ARHGAP10: variants seen among roughly 807,000 people sequenced by gnomAD.
The protein encoded by ARHGAP10 is rho GTPase-activating protein 10.
ARHGAP10 carries 87 observed loss-of-function variants against 108.6 expected under a neutral mutation model. The ratio of observed to expected loss-of-function variants is 0.80; its 90% CI spans 0.67 to 0.96. The LOEUF is 0.96. ARHGAP10 is among the 40% of genes least tolerant of loss of function. The pLI is 0.00. For missense variants in ARHGAP10, 939 were observed against 954.5 expected (o/e 0.98, Z 0.21); for synonymous variants, 347 against 341.1 (o/e 1.02, Z -0.19).
chr4:147,953,811 C>CT (rs1317810514), intron 15 of ARHGAP10, among the ~76,000 whole-genome samples: 11 of 151,704 alleles, frequency 7.3e-5, no homozygotes, highest in African/African-American at 1.5e-4. Context: ...ATTTACACTT[C>CT]TTTTTTTTCC....
intron 18 of ARHGAP10, among the ~76,000 whole-genome samples, chr4:148,009,090 A>G (rs1019869955): frequency 6.6e-6 from 1 of 152,018 alleles, no homozygotes; most frequent in African/African-American, 2.4e-5. Flanking sequence ...CTTTGGGGGA[A>G]AAAAACAAAA....
At chr4:148,018,684 A>G (rs1042361027) in intron 18 of ARHGAP10, among the ~76,000 whole-genome samples, 1 of 152,172 alleles carries the variant, frequency 6.6e-6, no homozygotes, top group African/African-American at 2.4e-5. Context: ...TTATGTAGCT[A>G]TTCCCCATTT....
Position 148,072,310 on chromosome 4 carries a change from G to A in ARHGAP10, c.*229G>A, listed in dbSNP as rs959160783. ...GGGGAATGTCAGGATTCGCAAAATGGACTTTTCATTTGTCAAGTATTGGGA... is the reference window on the plus strand; with the variant it reads ...GGGGAATGTCAGGATTCGCAAAATGAACTTTTCATTTGTCAAGTATTGGGA... On this transcript the variant is annotated 3_prime_UTR_variant, in exon 23 of 23. Transcript: ENST00000336498. 2 of 442,200 alleles carry A rather than the reference G, an allele frequency of 4.5e-6. No homozygotes were observed. The highest frequency in any genetic ancestry group is 7.9e-6 in the Non-Finnish European group (2 of 252,540). 27.4% of individuals were successfully genotyped at this position (442,200 alleles called of 1,614,324 possible).
rs779975076 is a variant in ARHGAP10 at position 148,023,250 on chromosome 4, G to A, written c.1717-13G>A. 2 of 1,613,734 alleles carry A rather than the reference G, an allele frequency of 1.2e-6. No homozygotes were observed. The highest frequency in any genetic ancestry group is 1.7e-6 in the Non-Finnish European group (2 of 1,179,742). On this transcript the variant is annotated splice_polypyrimidine_tract_variant and intron_variant, in intron 18 of 22. Coordinates refer to ENST00000336498, the MANE Select transcript of ARHGAP10 (RefSeq NM_024605.4). ...ATGGTAAATAATTCCTGTCCTTTAT[G>A]CTTTGTTGGAAGATTTTTCGGACGC...
intron 20 of ARHGAP10, among the ~76,000 whole-genome samples, chr4:148,053,645 A>G (rs1407750845): frequency 6.6e-6 from 1 of 152,192 alleles, no homozygotes; most frequent in Non-Finnish European, 1.5e-5. Context: ...ATACTTGGCC[A>G]TCTACCATCA....
chr4:147,742,930 G>A (rs1430946509), intron 1 of ARHGAP10, among the ~76,000 whole-genome samples: 1 of 150,116 alleles, frequency 6.7e-6, no homozygotes, highest in African/African-American at 2.4e-5. Flanking sequence ...AAGTTTTGGG[G>A]ACAAAGCCAG....
chr4:147,912,836 TG>T (rs1465126475), intron 12 of ARHGAP10, among the ~76,000 whole-genome samples: 1 of 151,268 alleles, frequency 6.6e-6, no homozygotes, highest in Non-Finnish European at 1.5e-5. Flanking sequence ...TCAGTAGAGG[TG>T]GGGCCTCACC....
intron 1 of ARHGAP10, among the ~76,000 whole-genome samples, chr4:147,812,185 T>G (rs1374585988): frequency 6.6e-6 from 1 of 151,824 alleles, no homozygotes; most frequent in African/African-American, 2.4e-5. Context: ...AAGGAGGGAG[T>G]AAAAAGCTAT....
At chr4:147,901,857 A>G (rs1463496372) in intron 10 of ARHGAP10, among the ~76,000 whole-genome samples, 1 of 152,178 alleles carries the variant, frequency 6.6e-6, no homozygotes, top group African/African-American at 2.4e-5. Flanking sequence ...ACAACCATCT[A>G]TCTTGAGTTA....
intron 1 of ARHGAP10, among the ~76,000 whole-genome samples, chr4:147,747,699 CCTTT>C (rs1235138930): frequency 1.9e-4 from 29 of 152,144 alleles, no homozygotes; most frequent in Middle Eastern, 3.4e-3. Context: ...TTTTTCTTCC[CCTTT>C]CTTCAGATTA....
intron 1 of ARHGAP10, among the ~76,000 whole-genome samples, chr4:147,804,663 T>C (rs1361293848): frequency 2.6e-5 from 4 of 152,258 alleles, no homozygotes. Flanking sequence ...ATTTTTTGAC[T>C]TTTTGGTAGC....
At chr4:147,788,811 C>G (rs1731000251) in intron 1 of ARHGAP10, among the ~76,000 whole-genome samples, 2 of 152,140 alleles carry the variant, frequency 1.3e-5, no homozygotes, top group African/African-American at 4.8e-5. Context: ...ACCAGGAAAT[C>G]TAGATATTTT....
At chr4:147,976,540 G>GCT (rs1489451754) in intron 18 of ARHGAP10, among the ~76,000 whole-genome samples, 2 of 137,534 alleles carry the variant, frequency 1.5e-5, no homozygotes, top group African/African-American at 6.4e-5. Flanking sequence ...TTTTGTGTGT[G>GCT]GTTTTTTTTT....
chr4:147,762,739 C>T (rs1396916392), intron 1 of ARHGAP10, among the ~76,000 whole-genome samples: 3 of 151,774 alleles, frequency 2.0e-5, no homozygotes, highest in Admixed American at 1.3e-4. Flanking sequence ...ACCGTGCTAG[C>T]CAGGCTGGTC....
chr4:147,922,496 C>T (rs1371337666), intron 13 of ARHGAP10, among the ~76,000 whole-genome samples: 3 of 150,722 alleles, frequency 2.0e-5, no homozygotes, highest in Non-Finnish European at 3.0e-5. Flanking sequence ...GAGACCATCC[C>T]GGCTAAAACG....
At chr4:147,800,834 C>T (rs1442321410) in intron 1 of ARHGAP10, among the ~76,000 whole-genome samples, 1 of 152,076 alleles carries the variant, frequency 6.6e-6, no homozygotes, top group Non-Finnish European at 1.5e-5. Context: ...TTTTTTGACA[C>T]AGCGTCTTAC....
chr4:147,794,351 C>T (rs751040304), intron 1 of ARHGAP10, among the ~76,000 whole-genome samples: 1 of 152,228 alleles, frequency 6.6e-6, no homozygotes, highest in African/African-American at 2.4e-5. Flanking sequence ...ATCTTTGCAA[C>T]ATAATGTTAA....
chr4:148,056,426 G>A (rs1273009316), intron 20 of ARHGAP10, among the ~76,000 whole-genome samples: 2 of 152,068 alleles, frequency 1.3e-5, no homozygotes, highest in Non-Finnish European at 2.9e-5. Flanking sequence ...ACCTATGTGG[G>A]GTTGTTCTTT....
chr4:148,025,778 C>T (rs899431480), intron 19 of ARHGAP10, among the ~76,000 whole-genome samples: 6 of 151,908 alleles, frequency 3.9e-5, no homozygotes, highest in East Asian at 3.8e-4. Flanking sequence ...ATTGTCAAAA[C>T]GACTTGAAGG....
Sources: gnomAD v4.1 joint callset for allele counts (sites outside exome capture counted in the v4.1 genomes callset) on GRCh38, gnomAD v4.1.1 for gene constraint, MANE v1.5 for transcripts, NCBI Gene and HGNC (gene_info 2026-07-23, HGNC 2026-07-21) for gene names.